Variants in NCOR2 observed in about 807,000 individuals in gnomAD.
The protein encoded by NCOR2 is nuclear receptor corepressor 2.
A neutral mutation model predicts 262.9 loss-of-function variants in NCOR2; 81 were observed. That is an observed-to-expected ratio of 0.31 (90% confidence interval 0.26 to 0.37). The LOEUF (loss-of-function observed/expected upper bound fraction) is 0.37, where lower values mean the gene tolerates loss of function less well. Among genes scored for constraint, NCOR2 ranks in the 10% least tolerant of loss-of-function variants. NCOR2 has a pLI of 1.00. For missense variants in NCOR2, 3,385 were observed against 3,621.4 expected (o/e 0.93, Z 1.68); for synonymous variants, 1,659 against 1,559.3 (o/e 1.06, Z -1.51).
At chr12:124,384,068 A>G (rs1056605908) in intron 17 of NCOR2, among the ~76,000 whole-genome samples, 1 of 152,162 alleles carries the variant, frequency 6.6e-6, no homozygotes, top group Non-Finnish European at 1.5e-5. Flanking sequence ...AGAAAGTGAA[A>G]GGACAGCTGG....
chr12:124,445,384 C>G (rs1051810151), intron 7 of NCOR2, among the ~76,000 whole-genome samples: 1 of 152,330 alleles, frequency 6.6e-6, no homozygotes, highest in Non-Finnish European at 1.5e-5. Flanking sequence ...CAGGGGACAC[C>G]AGCAGCGCCC....
rs770480880 is a variant in NCOR2 at position 124,400,455 on chromosome 12, G to GT, written c.1813+45dup. On this transcript the variant is annotated intron_variant, in intron 15 of 46. Coordinates refer to ENST00000405201, the Ensembl canonical transcript of NCOR2. ...AACTTTCATATGAGCGCAACCCGCC[G>GT]TGTCTCCAGCCCCTTCCCCACCCGC... 4 of 1,590,982 alleles carry GT rather than the reference G, an allele frequency of 2.5e-6. No homozygotes were observed. In the Admixed American group the frequency reaches 5.1e-5, roughly 20 times the overall value.
At chr12:124,344,940 G>C in exon 32 of NCOR2, 4 of 1,548,472 alleles carry the variant, frequency 2.6e-6, no homozygotes, top group Non-Finnish European at 3.5e-6. Flanking sequence ...TGTCGTACTT[G>C]AGCGGGGTGC....
chr12:124,368,664 C>T (rs2039232106), intron 20 of NCOR2, among the ~76,000 whole-genome samples: 1 of 152,230 alleles, frequency 6.6e-6, no homozygotes, highest in African/African-American at 2.4e-5. Context: ...GGGGGTCTGG[C>T]TTTCCCTCAC....
chr12:124,501,993 C>G (rs1032525), intron 1 of NCOR2, among the ~76,000 whole-genome samples: 95,109 of 152,180 alleles, frequency 0.62, 30,830 homozygotes, highest in South Asian at 0.77. Flanking sequence ...GCCAGCTCCA[C>G]GGGTCGAGCT....
chr12:124,543,952 A>C (rs1239371962), intron 1 of NCOR2, among the ~76,000 whole-genome samples: 2 of 152,196 alleles, frequency 1.3e-5, no homozygotes, highest in African/African-American at 4.8e-5. Context: ...AACTCGTTTA[A>C]TTCTTAACAA....
chr12:124,387,461 C>T (rs988361712), intron 16 of NCOR2, among the ~76,000 whole-genome samples: 4 of 152,212 alleles, frequency 2.6e-5, no homozygotes, highest in Non-Finnish European at 2.9e-5. Context: ...CAGAGGGTCC[C>T]GCCAACTCAC....
chr12:124,530,341 T>C (rs55898079), intron 1 of NCOR2: 1 of 151,224 alleles, frequency 6.6e-6, no homozygotes, highest in Non-Finnish European at 1.5e-5. Context: ...TGGTGGGGAT[T>C]TGGGGGGAAC....
At chr12:124,530,090 T>C (rs1241437033) in intron 1 of NCOR2, 1 of 152,208 alleles carries the variant, frequency 6.6e-6, no homozygotes, top group Non-Finnish European at 1.5e-5. Flanking sequence ...ATGGATAAAC[T>C]GTAATATATC....
At chr12:124,392,365 C>T (rs903898647) in intron 16 of NCOR2, among the ~76,000 whole-genome samples, 3 of 152,200 alleles carry the variant, frequency 2.0e-5, no homozygotes, top group East Asian at 1.9e-4. Flanking sequence ...CATATCCGGC[C>T]GGGAGGCCAA....
At chr12:124,330,328 G>GA (rs2035072572) in intron 44 of NCOR2, among the ~76,000 whole-genome samples, 1 of 152,222 alleles carries the variant, frequency 6.6e-6, no homozygotes, top group South Asian at 2.1e-4. Context: ...AAAGATCATA[G>GA]AAGTCTTAAG....
chr12:124,325,376 C>CGCCCCG, exon 47 of NCOR2: 1 of 426,508 alleles, frequency 2.3e-6, no homozygotes, highest in Non-Finnish European at 3.4e-6. Flanking sequence ...GACCTGACAC[C>CGCCCCG]GCCCCCCCCC....
chr12:124,341,170 C>T (rs904999507), intron 34 of NCOR2, among the ~76,000 whole-genome samples: 1 of 152,194 alleles, frequency 6.6e-6, no homozygotes, highest in Non-Finnish European at 1.5e-5. Flanking sequence ...GGCCCTGGAA[C>T]GTGTGCACGC....
rs1382579427 is a variant in NCOR2, at chr12:124,495,173, G to T, written c.79C>A (p.Pro27Thr). The T allele has an allele frequency of 1.9e-6, 3 of 1,614,012 alleles. No individual in the cohort carries two copies. The highest frequency in any genetic ancestry group is 1.7e-6 in the Non-Finnish European group (2 of 1,179,958). Reference sequence around the variant, plus strand: ...GTGTGCGTCCGGGCGATCTGCACTGGGTAGGAAAGGCTGTGGGGCGGGTAG... The same window carrying T: ...GTGTGCGTCCGGGCGATCTGCACTGTGTAGGAAAGGCTGTGGGGCGGGTAG... Residue 27 changes from proline (P) to threonine (T), a missense_variant, in exon 1 of 47, where the codon CCA becomes ACA. Pro to Thr is a conservative substitution (Grantham distance 38). Transcript: ENST00000405201. This position sits in a 1 kb window ranked among gnomAD's most constrained non-coding sequence, Gnocchi z 4.4.
At chr12:124,333,452 AT>A (rs894158367) in intron 41 of NCOR2, among the ~76,000 whole-genome samples, 173 bp from the exon 44 acceptor site, 38 of 149,824 alleles carry the variant, frequency 2.5e-4, no homozygotes, top group African/African-American at 5.9e-4. Context: ...TATCATTTTT[AT>A]TTTTTTTTTA....
At chr12:124,516,535 C>A (rs2049800560) in intron 1 of NCOR2, among the ~76,000 whole-genome samples, 1 of 151,858 alleles carries the variant, frequency 6.6e-6, no homozygotes. Flanking sequence ...TAAATCCAAC[C>A]TTGTGGTTAC....
At chr12:124,350,847 C>T (rs1048056736) in intron 27 of NCOR2, 110 bp from the exon 30 acceptor site, 4 of 1,105,094 alleles carry the variant, frequency 3.6e-6, no homozygotes, top group African/African-American at 1.6e-5. Context: ...GATGCACACG[C>T]GTGTCCACAC....
Position 124,402,246 on chromosome 12 carries a change from AG to A in NCOR2, c.1640+157del, listed in dbSNP as rs566708976. ...GTAGGGCGATGGGTGGGCTTCCGGA[AG>A]GGGGGCTGTCAGGGGCAAACGAGCA... On this transcript the variant is annotated intron_variant, in intron 14 of 46. Transcript: ENST00000405201. Among the ~76,000 whole-genome samples, 174 of 152,114 alleles carry A rather than the reference AG, an allele frequency of 1.1e-3. 1 individual carries two copies. Among genetic ancestry groups the A allele is most frequent in the African/African-American group, 4.0e-3 (168 of 41,504 alleles).
At position 124,361,628 on chromosome 12, in the gene NCOR2, G is replaced by C. The variant is rs1283284137; in HGVS notation, c.3100+498C>G. Among the ~76,000 whole-genome samples the C allele has an allele frequency of 3.0e-4, 46 of 152,246 alleles. 1 individual carries two copies. Among genetic ancestry groups the C allele is most frequent in the Admixed American group, 3.0e-3 (46 of 15,288 alleles). On this transcript the variant is annotated intron_variant, in intron 22 of 46. Coordinates refer to ENST00000405201, the Ensembl canonical transcript of NCOR2. ...TGGAGCAAGGTCAGGATGCCAGCTG[G>C]GGAGGGCAGCCCTTCCTGCCCAGGC... is the stretch of plus-strand genomic sequence containing the variant.
Sources: allele counts gnomAD v4.1 joint callset (sites outside exome capture counted in the v4.1 genomes callset), GRCh38; gene constraint gnomAD v4.1.1; non-coding constraint Gnocchi (gnomAD v3.1); transcripts MANE v1.5; gene names NCBI Gene and HGNC (gene_info 2026-07-23, HGNC 2026-07-21).